The following ZBTB16 variants were observed in gnomAD, a reference collection of about 807,000 sequenced individuals.
ZBTB16 encodes the protein zinc finger and BTB domain containing 16, also known as zinc finger and BTB domain-containing protein 16.
In ZBTB16, 8 loss-of-function variants were observed where a neutral mutation model predicts 56.8. The observed-to-expected ratio is 0.14, with a 90% CI of 0.08 to 0.25. ZBTB16 has a LOEUF of 0.25. Ranked by LOEUF, ZBTB16 falls within the 10% of genes least tolerant of loss-of-function variation. The probability of loss-of-function intolerance (pLI) is 1.00; values close to 1 mark genes in which losing one functional copy is unlikely to be tolerated. For synonymous variants in ZBTB16, 363 were observed against 368.5 expected (o/e 0.98, Z 0.17); for missense variants, 625 against 903.0 (o/e 0.69, Z 3.95).
intron 3 of ZBTB16, among the ~76,000 whole-genome samples, chr11:114,172,438 G>GT (rs1363523907): frequency 6.6e-6 from 1 of 152,316 alleles, no homozygotes; most frequent in East Asian, 1.9e-4. Flanking sequence ...AGTTGGTACT[G>GT]TTAGGACATC....
At chr11:114,196,632 C>CT (rs1360294940) in intron 4 of ZBTB16, among the ~76,000 whole-genome samples, 4 of 152,146 alleles carry the variant, frequency 2.6e-5, no homozygotes, top group Admixed American at 2.6e-4. Flanking sequence ...TCCTCATTCT[C>CT]TGAGTTTTTA....
chr11:114,227,557 C>T (rs536046786), intron 4 of ZBTB16, among the ~76,000 whole-genome samples: 2 of 152,296 alleles, frequency 1.3e-5, no homozygotes, highest in African/African-American at 4.8e-5. Flanking sequence ...GAAGTGAGGT[C>T]GCAGCTCTCA....
At chr11:114,146,848 CA>C (rs3057711) in intron 2 of ZBTB16, among the ~76,000 whole-genome samples, 15,903 of 118,616 alleles carry the variant, frequency 0.13, 795 homozygotes, top group African/African-American at 0.18. Flanking sequence ...GATTCTGTCT[CA>C]AAAAAAAAAA....
intron 5 of ZBTB16, chr11:114,246,883 T>G: frequency 2.5e-6 from 1 of 396,642 alleles, no homozygotes; most frequent in Non-Finnish European, 4.8e-6. Context: ...AGAAGCAAGA[T>G]GGTGAGGTCT....
In ZBTB16 at chr11:114,129,341, G is replaced by A. The variant is rs565045025; in HGVS notation, c.1269-26996G>A. 2.6e-5 allele frequency among the ~76,000 whole-genome samples: 4 copies of A among 152,324 alleles called. No individual in the cohort carries two copies. The East Asian group carries it at 5.8e-4, about 22-fold the overall frequency. ...GATCCGTGGCGCAGCCACCGGAGCC[G>A]GCAGAGAACCCTTGGAGTAGGATGG... On this transcript the variant is annotated intron_variant, in intron 2 of 6. Transcript: ENST00000335953.
chr11:114,225,811 T>A (rs1944318019), intron 4 of ZBTB16, among the ~76,000 whole-genome samples: 1 of 152,200 alleles, frequency 6.6e-6, no homozygotes, highest in African/African-American at 2.4e-5. Context: ...AGCCACTGGA[T>A]CAGTGTTCTA....
chr11:114,092,713 A>G lies in ZBTB16; in HGVS notation c.1268+28145A>G, dbSNP rs111564317. 7.8e-3 allele frequency among the ~76,000 whole-genome samples: 1,181 copies of G among 152,210 alleles called. 17 individuals are homozygous for G. The highest frequency in any genetic ancestry group is 0.027 in the African/African-American group (1,107 of 41,514). ...AGGTGCTAGCCCATACCTAATATAT[A>G]GGGCCGTCGTAAGGCTTAGGTCCCA... On this transcript the variant is annotated intron_variant, in intron 2 of 6. Transcript: ENST00000335953.
rs943972143 is a variant in ZBTB16, at chr11:114,111,544, C to G, written c.1269-44793C>G. On this transcript the variant is annotated intron_variant, in intron 2 of 6. Transcript: ENST00000335953. ...TGACGCTAAATAATGTTAAAGGTTT[C>G]CAGTATGATTTCACTGAAATTGGTT... is the stretch of plus-strand genomic sequence containing the variant. 9.2e-5 allele frequency among the ~76,000 whole-genome samples: 14 copies of G among 152,160 alleles called. No individual in the cohort carries two copies. The East Asian group carries it at 2.1e-3, about 23-fold the overall frequency.
At chr11:114,080,876 G>C (rs1209651748) in intron 2 of ZBTB16, among the ~76,000 whole-genome samples, 1 of 152,142 alleles carries the variant, frequency 6.6e-6, no homozygotes, top group East Asian at 1.9e-4. Context: ...TCCTCCTCTT[G>C]CCACCTGTTG....
At chr11:114,235,152 G>A (rs1182208943) in intron 4 of ZBTB16, among the ~76,000 whole-genome samples, 1 of 152,172 alleles carries the variant, frequency 6.6e-6, no homozygotes, top group African/African-American at 2.4e-5. Context: ...GGGGTGGCAG[G>A]GGAGGCAGTC....
intron 4 of ZBTB16, chr11:114,209,722 C>T (rs757604251): frequency 6.3e-5 from 62 of 985,266 alleles, no homozygotes; most frequent in Non-Finnish European, 7.2e-5. Context: ...CAATTTCAGG[C>T]CCCCAGGCAT....
At chr11:114,159,856 C>T (rs1031318860) in intron 3 of ZBTB16, among the ~76,000 whole-genome samples, 3 of 146,908 alleles carry the variant, frequency 2.0e-5, no homozygotes, top group African/African-American at 7.8e-5. Flanking sequence ...TAGAGTAGAC[C>T]CATTTTACAG....
chr11:114,096,313 T>A (rs1485761377), intron 2 of ZBTB16, among the ~76,000 whole-genome samples: 2 of 152,236 alleles, frequency 1.3e-5, no homozygotes, highest in East Asian at 3.8e-4. Context: ...TTGACTTATC[T>A]ATTATTTCTG....
At chr11:114,233,066 TGCGCGC>T (rs71063553) in intron 4 of ZBTB16, among the ~76,000 whole-genome samples, 6,421 of 94,226 alleles carry the variant, frequency 0.068, 465 homozygotes, top group East Asian at 0.19. Flanking sequence ...CACATACGCA[TGCGCGC>T]GCGCGCGCGC....
At chr11:114,072,099 T>G (rs934297224) in intron 2 of ZBTB16, among the ~76,000 whole-genome samples, 1 of 152,246 alleles carries the variant, frequency 6.6e-6, no homozygotes, top group African/African-American at 2.4e-5. Flanking sequence ...TTGTGTGAAG[T>G]AGGTCATGCT....
chr11:114,062,040 C>T (rs1938892853), intron 1 of ZBTB16, among the ~76,000 whole-genome samples: 1 of 152,000 alleles, frequency 6.6e-6, no homozygotes, highest in Non-Finnish European at 1.5e-5. Context: ...GTCCACCGGG[C>T]AGTTGTGGGC....
intron 4 of ZBTB16, chr11:114,187,806 A>G (rs1943398095): frequency 6.5e-6 from 1 of 153,142 alleles, no homozygotes. Context: ...CATTGCTCGT[A>G]TTACCACCTG....
chr11:114,128,015 C>T (rs1308683811), intron 2 of ZBTB16, among the ~76,000 whole-genome samples: 2 of 152,150 alleles, frequency 1.3e-5, no homozygotes, highest in African/African-American at 4.8e-5. Flanking sequence ...TAGCGACTCC[C>T]AGCAAGTTAA....
chr11:114,152,884 AT>A (rs1315437319), intron 2 of ZBTB16, among the ~76,000 whole-genome samples: 1 of 152,200 alleles, frequency 6.6e-6, no homozygotes, highest in African/African-American at 2.4e-5. Flanking sequence ...ACAGGACTAG[AT>A]TGGGAAGATG....
Sources: gnomAD v4.1 joint callset for allele counts (sites outside exome capture counted in the v4.1 genomes callset) on GRCh38, gnomAD v4.1.1 for gene constraint, MANE v1.5 for transcripts, NCBI Gene and HGNC (gene_info 2026-07-23, HGNC 2026-07-21) for gene names.